Variants in TMEM65 observed in about 807,000 individuals in gnomAD.
TMEM65 encodes transmembrane protein 65.
Under a neutral mutation model 25.4 loss-of-function variants are expected in TMEM65, and 22 were observed. The observed-to-expected ratio is 0.86, with a 90% CI of 0.62 to 1.23. The LOEUF (loss-of-function observed/expected upper bound fraction) is 1.23, where lower values mean the gene tolerates loss of function less well. TMEM65 is among the 50% of genes most tolerant of loss of function. The probability of loss-of-function intolerance (pLI) is 0.00; values close to 1 mark genes in which losing one functional copy is unlikely to be tolerated. For missense variants in TMEM65, 262 were observed against 308.2 expected, an observed-to-expected ratio of 0.85 and a Z score of 1.12; for synonymous variants, 132 against 126.2, an observed-to-expected ratio of 1.05 and a Z score of -0.31.
intron 1 of TMEM65, among the ~76,000 whole-genome samples, chr8:124,358,651 C>T (rs1316889706): frequency 2.6e-5 from 4 of 152,236 alleles, no homozygotes; most frequent in African/African-American, 9.6e-5. Context: ...CATGCAACAA[C>T]ACCAGAGTGG....
At chr8:124,341,499 T>C (rs956118163) in intron 1 of TMEM65, among the ~76,000 whole-genome samples, 1 of 152,060 alleles carries the variant, frequency 6.6e-6, no homozygotes, top group Non-Finnish European at 1.5e-5. Flanking sequence ...TAATAGGAAA[T>C]TGTGAAAAGT....
intron 1 of TMEM65, among the ~76,000 whole-genome samples, chr8:124,344,635 T>C (rs1307584088): frequency 6.6e-6 from 1 of 152,240 alleles, no homozygotes; most frequent in Non-Finnish European, 1.5e-5. Context: ...TTAAGTAAGC[T>C]ACTTTGTTAA....
In TMEM65 at chr8:124,308,477, C is replaced by T. The variant is rs2131187322; in HGVS notation, c.*5483G>A. On this transcript the variant is annotated 3_prime_UTR_variant, in exon 7 of 7. Coordinates refer to ENST00000297632, the MANE Select transcript of TMEM65 (RefSeq NM_194291.3). The stretch of plus-strand genomic sequence containing the variant: ...GACATGAAAGCCATCAAGCCCAAAA[C>T]AATAAATTCCTGCTGAGGAAAACAA... The T allele has an allele frequency of 6.6e-6, 1 of 152,318 alleles. No homozygotes were observed. 9.4% of individuals were successfully genotyped at this position (152,318 alleles called of 1,614,324 possible). A position where few individuals can be genotyped will look rare whatever the true frequency, so the allele number is the denominator to read the frequency against.
intron 3 of TMEM65, among the ~76,000 whole-genome samples, chr8:124,326,481 T>C (rs1181789127): frequency 1.3e-5 from 2 of 152,164 alleles, no homozygotes; most frequent in East Asian, 1.9e-4. Context: ...TATCTGTGAA[T>C]GTGAGAAACT....
chr8:124,372,562 G>A lies in TMEM65; in HGVS notation c.-405C>T, dbSNP rs371031228. 195 of 156,310 alleles carry A rather than the reference G, an allele frequency of 1.2e-3. 3 individuals carry two copies. In the East Asian group the frequency reaches 0.026, roughly 21 times the overall value. The allele number at this position is 156,310 out of a possible 1,614,324, so 9.7% of individuals were successfully genotyped here. A position where few individuals can be genotyped will look rare whatever the true frequency, so the allele number is the denominator to read the frequency against. ...CAGCCACGCACCGCCCTCCTCCAGC[G>A]CCGCCCTACTCTCCCGCCAGCTTTC... On this transcript the variant is annotated 5_prime_UTR_variant, in exon 1 of 7. Transcript: ENST00000297632.
chr8:124,354,985 T>C (rs151257519), intron 1 of TMEM65, among the ~76,000 whole-genome samples: 4 of 151,944 alleles, frequency 2.6e-5, no homozygotes, highest in East Asian at 3.9e-4. Flanking sequence ...AATAAAAAAA[T>C]TCGGTGGGAA....
intron 1 of TMEM65, among the ~76,000 whole-genome samples, chr8:124,353,964 G>A (rs1408334490): frequency 1.3e-5 from 2 of 152,106 alleles, no homozygotes; most frequent in African/African-American, 2.4e-5. Context: ...TTAATCAAAC[G>A]TCCAAAGTTA....
At chr8:124,349,807 A>G (rs1814683205) in intron 1 of TMEM65, among the ~76,000 whole-genome samples, 1 of 152,124 alleles carries the variant, frequency 6.6e-6, no homozygotes. Flanking sequence ...AAGTCCTACT[A>G]TCAGTTATCA....
chr8:124,328,302 G>A (rs1003626177), intron 2 of TMEM65, among the ~76,000 whole-genome samples: 2 of 151,878 alleles, frequency 1.3e-5, no homozygotes, highest in East Asian at 1.9e-4. Context: ...TACTTGGGAG[G>A]CTGAGGCAGG....
intron 6 of TMEM65, among the ~76,000 whole-genome samples, chr8:124,316,955 C>T (rs998908254): frequency 6.6e-6 from 1 of 151,990 alleles, no homozygotes; most frequent in Non-Finnish European, 1.5e-5. Context: ...CAAATAGGTC[C>T]TCATTTTGTT....
In TMEM65 at chr8:124,310,167, T is replaced by A. The variant is rs1356143365; in HGVS notation, c.*3793A>T. 1 of 152,290 alleles carries A rather than the reference T, an allele frequency of 6.6e-6. No homozygotes were observed. Among genetic ancestry groups the A allele is most frequent in the Non-Finnish European group, 1.5e-5 (1 of 68,196 alleles). 9.4% of individuals were successfully genotyped at this position (152,290 alleles called of 1,614,324 possible). ...CAAGACTCCATCTCAAAAAAAAGTA[T>A]ATTTGCTTTTCTGTGTTCTCTTCCC... On this transcript the variant is annotated 3_prime_UTR_variant, in exon 7 of 7. Coordinates refer to ENST00000297632, the MANE Select transcript of TMEM65 (RefSeq NM_194291.3).
At chr8:124,358,111 T>G (rs1278833921) in intron 1 of TMEM65, among the ~76,000 whole-genome samples, 1 of 152,168 alleles carries the variant, frequency 6.6e-6, no homozygotes, top group African/African-American at 2.4e-5. Flanking sequence ...ATTACAGGCA[T>G]GAGCCACTGT....
intron 1 of TMEM65, among the ~76,000 whole-genome samples, chr8:124,365,761 G>A (rs889633010): frequency 1.3e-5 from 2 of 152,176 alleles, no homozygotes; most frequent in African/African-American, 4.8e-5. Flanking sequence ...CCCAAAAGAT[G>A]AAAGAAGCAA....
Position 124,343,044 on chromosome 8 carries a change from C to T in TMEM65, c.305-12252G>A, listed in dbSNP as rs564435969. 7.9e-5 allele frequency among the ~76,000 whole-genome samples: 12 copies of T among 152,222 alleles called. No individual in the cohort carries two copies. The East Asian group carries it at 1.9e-3, about 24-fold the overall frequency. ...GGAGAAATCTCCAGTGATAAAGTTA[C>T]TCATTTCAATGGACAAATTGTAAAA... On this transcript the variant is annotated intron_variant, in intron 1 of 6. Transcript: ENST00000297632.
At chr8:124,334,468 T>C (rs1814477842) in intron 1 of TMEM65, among the ~76,000 whole-genome samples, 1 of 151,900 alleles carries the variant, frequency 6.6e-6, no homozygotes, top group African/African-American at 2.4e-5. Context: ...TTATCTGAAA[T>C]TATAAAATTA....
At chr8:124,362,228 T>A (rs1031065249) in intron 1 of TMEM65, among the ~76,000 whole-genome samples, 1 of 152,088 alleles carries the variant, frequency 6.6e-6, no homozygotes, top group African/African-American at 2.4e-5. Context: ...GTAAAAAGCA[T>A]GAAAATGTGT....
rs7845718 is a variant in TMEM65, at chr8:124,372,655, G to C, written c.-498C>G. On this transcript the variant is annotated 5_prime_UTR_variant, in exon 1 of 7. Transcript: ENST00000297632. ...GAGCCCTCAAAGCAGCCGCGCTCCCGAGCCGCAGCCGCCGCCGCCGCCGCT... is the reference window on the plus strand; with the variant it reads ...GAGCCCTCAAAGCAGCCGCGCTCCCCAGCCGCAGCCGCCGCCGCCGCCGCT... 257 of 142,946 alleles carry C rather than the reference G, an allele frequency of 1.8e-3. 1 individual carries two copies. The highest frequency in any genetic ancestry group is 7.6e-3 in the African/African-American group (252 of 33,068). The allele number at this position is 142,946 out of a possible 1,614,324, so 8.9% of individuals were successfully genotyped here.
intron 1 of TMEM65, among the ~76,000 whole-genome samples, chr8:124,340,818 G>T (rs913622248): frequency 6.6e-6 from 1 of 152,014 alleles, no homozygotes; most frequent in African/African-American, 2.4e-5. Context: ...GCACAAATAG[G>T]CCTAGCCAAA....
chr8:124,312,103 A>G lies in TMEM65; in HGVS notation c.*1857T>C, dbSNP rs762257214. ...ACACAAGTTAGGGACAAAAGAAAGC[A>G]CTTACACTTTACCCCACCCTTCCCC... is the stretch of plus-strand genomic sequence containing the variant. On this transcript the variant is annotated 3_prime_UTR_variant, in exon 7 of 7. Coordinates refer to ENST00000297632, the MANE Select transcript of TMEM65 (RefSeq NM_194291.3). The G allele has an allele frequency of 6.6e-6, 1 of 152,376 alleles. No individual in the cohort carries two copies. Among genetic ancestry groups the G allele is most frequent in the Admixed American group, 6.6e-5 (1 of 15,236 alleles). The allele number at this position is 152,376 out of a possible 1,614,324, so 9.4% of individuals were successfully genotyped here. A position where few individuals can be genotyped will look rare whatever the true frequency, so the allele number is the denominator to read the frequency against.
Sources: gnomAD v4.1 joint callset for allele counts (sites outside exome capture counted in the v4.1 genomes callset) on GRCh38, gnomAD v4.1.1 for gene constraint, MANE v1.5 for transcripts, NCBI Gene and HGNC (gene_info 2026-07-23, HGNC 2026-07-21) for gene names.